OSBPL6: variants seen among roughly 807,000 people sequenced by gnomAD.
OSBPL6 encodes the protein oxysterol-binding protein-related protein 6.
Under a neutral mutation model 125.8 loss-of-function variants are expected in OSBPL6, and 49 were observed. The ratio of observed to expected loss-of-function variants is 0.39; its 90% CI spans 0.31 to 0.49. The LOEUF is 0.49. Among genes scored for constraint, OSBPL6 ranks in the 20% least tolerant of loss-of-function variants. OSBPL6 has a pLI of 0.88. For synonymous variants in OSBPL6, 394 were observed against 391.8 expected (o/e 1.01, Z -0.07); for missense variants, 986 against 1,135.4 (o/e 0.87, Z 1.89).
chr2:178,383,415 C>A, intron 17 of OSBPL6, 138 bp downstream of exon 17: 1 of 1,333,082 alleles, frequency 7.5e-7, no homozygotes, highest in Non-Finnish European at 9.9e-7. Flanking sequence ...GATCTGTTTG[C>A]ATAAATCCGG....
chr2:178,241,468 T>C (rs1302262424), intron 1 of OSBPL6, among the ~76,000 whole-genome samples: 1 of 147,254 alleles, frequency 6.8e-6, no homozygotes, highest in African/African-American at 2.5e-5. Flanking sequence ...CAGGCTGGAG[T>C]GCAGTGGTGT....
chr2:178,391,138 G>A lies in OSBPL6; in HGVS notation c.2367G>A (p.Ala789=), dbSNP rs763057877. Residue 789 remains alanine, a synonymous_variant, in exon 22 of 25, where the codon GCG becomes GCA. Transcript: ENST00000190611. The part of the protein sequence containing the change: ...QGVVIDQEGK[A]VYRLFGKWHE... The stretch of plus-strand genomic sequence containing the variant: ...TGGTGATAGATCAGGAGGGGAAGGC[G>A]GTGTACCGGCTGTTTGGAAAGTGGC... The A allele has an allele frequency of 1.9e-5, 31 of 1,613,774 alleles. No homozygotes were observed. Among genetic ancestry groups the A allele is most frequent in the South Asian group, 3.3e-5 (3 of 91,016 alleles).
At chr2:178,231,186 G>A (rs2090801103) in intron 1 of OSBPL6, among the ~76,000 whole-genome samples, 1 of 152,172 alleles carries the variant, frequency 6.6e-6, no homozygotes, top group South Asian at 2.1e-4. Context: ...TTGAGCAGCG[G>A]TGTCTGATTT....
intron 1 of OSBPL6, among the ~76,000 whole-genome samples, chr2:178,216,641 G>C (rs2090104853): frequency 6.6e-6 from 1 of 152,186 alleles, no homozygotes; most frequent in African/African-American, 2.4e-5. Flanking sequence ...TGCTAAGTTT[G>C]GTGGATGCTA....
intron 1 of OSBPL6, among the ~76,000 whole-genome samples, chr2:178,237,788 G>A (rs190678080): frequency 2.0e-5 from 3 of 152,226 alleles, no homozygotes; most frequent in Non-Finnish European, 2.9e-5. Flanking sequence ...GAGGCACAAA[G>A]TTACTCCTCT....
intron 19 of OSBPL6, 139 bp downstream of exon 19, chr2:178,385,660 T>G: frequency 1.5e-6 from 1 of 662,662 alleles, no homozygotes; most frequent in Middle Eastern, 3.9e-4. Flanking sequence ...AGAGCTCATT[T>G]TGAGAAATCA....
At chr2:178,207,396 A>G (rs2153948148) in intron 1 of OSBPL6, among the ~76,000 whole-genome samples, 1 of 152,258 alleles carries the variant, frequency 6.6e-6, no homozygotes, top group Admixed American at 6.5e-5. Flanking sequence ...TTTAGGGCCC[A>G]CTTGGATTAT....
In OSBPL6 at chr2:178,397,328, A is replaced by C. The variant is rs952280168; in HGVS notation, c.*1769A>C. ...GGTAAATTTTCGAATCCATCACCAG[A>C]TCTAAGCATTCTGCTTCAACAATAC... On this transcript the variant is annotated 3_prime_UTR_variant, in exon 25 of 25. Coordinates refer to ENST00000190611, the MANE Select transcript of OSBPL6 (RefSeq NM_032523.4). 3 of 152,240 alleles carry C rather than the reference A, an allele frequency of 2.0e-5. No homozygotes were observed. The highest frequency in any genetic ancestry group is 4.4e-5 in the Non-Finnish European group (3 of 68,042). 9.4% of individuals were successfully genotyped at this position (152,240 alleles called of 1,614,324 possible).
chr2:178,279,921 C>T (rs1384408349), intron 1 of OSBPL6, among the ~76,000 whole-genome samples: 1 of 152,120 alleles, frequency 6.6e-6, no homozygotes, highest in Non-Finnish European at 1.5e-5. Flanking sequence ...GAGGTTGGGA[C>T]AGGTGCGGTG....
chr2:178,275,187 A>C (rs1482597541), intron 1 of OSBPL6, among the ~76,000 whole-genome samples: 1 of 152,172 alleles, frequency 6.6e-6, no homozygotes, highest in Non-Finnish European at 1.5e-5. Flanking sequence ...CTAACTAAGG[A>C]AATATAAGGA....
rs376718500 is a variant in OSBPL6, at chr2:178,265,191, CTTTTTTTTTTTTTT to C, written c.-350-19711_-350-19698del. 6.1e-3 allele frequency among the ~76,000 whole-genome samples: 206 copies of C among 33,720 alleles called. 2 individuals are homozygous for C. The East Asian group carries it at 0.088, about 14-fold the overall frequency. 22.1% of individuals were successfully genotyped at this position (33,720 alleles called of 152,430 possible). ...GTCACTTCCCCTGGCCCAGACGAGA[CTTTTTTTTTTTTTT>C]TTTTTTTTTTTTTTTTTTTTTTTTA... On this transcript the variant is annotated intron_variant, in intron 1 of 24. Transcript: ENST00000190611.
In OSBPL6 at chr2:178,324,248, G is replaced by A. The variant is rs369815626; in HGVS notation, c.174G>A (p.Pro58=). The part of the protein sequence containing the change: ...EPSVSRQLLE[P]EPVPLSKEAD... ...CTGTAAGTCGGCAATTGCTAGAACCGGAGCCAGTCCCCCTCTCCAAGGTCA... is the reference window on the plus strand; with the variant it reads ...CTGTAAGTCGGCAATTGCTAGAACCAGAGCCAGTCCCCCTCTCCAAGGTCA... The change falls in exon 4 of 25, where the codon CCG becomes CCA. Residue 58 remains proline, a synonymous_variant. Coordinates refer to ENST00000190611, the MANE Select transcript of OSBPL6 (RefSeq NM_032523.4). The A allele has an allele frequency of 1.9e-5, 30 of 1,573,192 alleles. No homozygotes were observed. The highest frequency in any genetic ancestry group is 6.7e-5 in the African/African-American group (5 of 74,390).
intron 1 of OSBPL6, among the ~76,000 whole-genome samples, chr2:178,284,186 G>GT (rs1448434493): frequency 1.3e-5 from 2 of 151,998 alleles, no homozygotes; most frequent in Non-Finnish European, 2.9e-5. Context: ...CTGTTCATGC[G>GT]TTTTTTTCAG....
At chr2:178,212,410 T>A (rs867384775) in intron 1 of OSBPL6, among the ~76,000 whole-genome samples, 1 of 152,232 alleles carries the variant, frequency 6.6e-6, no homozygotes. Flanking sequence ...TTATTTCAAG[T>A]GAGGCATTCT....
chr2:178,220,683 A>G (rs565376450), intron 1 of OSBPL6, among the ~76,000 whole-genome samples: 8 of 152,318 alleles, frequency 5.3e-5, no homozygotes, highest in Admixed American at 2.6e-4. Context: ...TCCTTATTCA[A>G]TTTCGTAGGG....
intron 1 of OSBPL6, among the ~76,000 whole-genome samples, chr2:178,254,898 A>G (rs2091829437): frequency 1.3e-5 from 2 of 152,370 alleles, no homozygotes; most frequent in South Asian, 4.1e-4. Context: ...TGGGTAATTT[A>G]TAAAGGAAAG....
Position 178,391,129 on chromosome 2 carries a change from G to A in OSBPL6, c.2358G>A (p.Glu786=). Residue 786 remains glutamate, a synonymous_variant, in exon 22 of 25, where the codon GAG becomes GAA. Coordinates refer to ENST00000190611, the MANE Select transcript of OSBPL6 (RefSeq NM_032523.4). ...NEVQGVVIDQ[E]GKAVYRLFGK... is the part of the protein sequence containing the mutation. ...TCCAGGGGGTGGTGATAGATCAGGA[G>A]GGGAAGGCGGTGTACCGGCTGTTTG... is the stretch of plus-strand genomic sequence containing the variant. The A allele has an allele frequency of 5.6e-6, 9 of 1,613,996 alleles. No individual in the cohort carries two copies. Among genetic ancestry groups the A allele is most frequent in the Non-Finnish European group, 7.6e-6 (9 of 1,179,936 alleles).
At chr2:178,258,981 G>A (rs1042548648) in intron 1 of OSBPL6, among the ~76,000 whole-genome samples, 11 of 152,126 alleles carry the variant, frequency 7.2e-5, no homozygotes, top group Admixed American at 3.3e-4. Flanking sequence ...GATACTCTGA[G>A]AAAACCCAAG....
Position 178,391,105 on chromosome 2 carries a change from C to T in OSBPL6, c.2334C>T (p.Val778=), listed in dbSNP as rs1371931334. The T allele has an allele frequency of 6.2e-7, 1 of 1,613,486 alleles. No homozygotes were observed. Among genetic ancestry groups the T allele is most frequent in the Non-Finnish European group, 8.5e-7 (1 of 1,179,830 alleles). Residue 778 remains valine (V), a synonymous_variant, in exon 22 of 25, where the codon GTC becomes GTT. Coordinates refer to ENST00000190611, the MANE Select transcript of OSBPL6 (RefSeq NM_032523.4). ...ATTGGAATTCTAACATGAATGAAGTCCAGGGGGTGGTGATAGATCAGGAGG... is the reference window on the plus strand; with the variant it reads ...ATTGGAATTCTAACATGAATGAAGTTCAGGGGGTGGTGATAGATCAGGAGG... ...VNYWNSNMNE[V]QGVVIDQEGK...
Sources: allele counts gnomAD v4.1 joint callset (sites outside exome capture counted in the v4.1 genomes callset), GRCh38; gene constraint gnomAD v4.1.1; transcripts MANE v1.5; gene names NCBI Gene and HGNC (gene_info 2026-07-23, HGNC 2026-07-21).